Variants in AKT2 observed in about 807,000 individuals in gnomAD.
The protein encoded by AKT2 is AKT serine/threonine kinase 2.
AKT2 carries 16 observed loss-of-function variants against 58.6 expected under a neutral mutation model. The ratio of observed to expected loss-of-function variants is 0.27; its 90% CI spans 0.18 to 0.41. AKT2 has a LOEUF of 0.41. Among genes scored for constraint, AKT2 ranks in the 10% least tolerant of loss-of-function variants. The probability of loss-of-function intolerance (pLI) is 1.00; values close to 1 mark genes in which losing one functional copy is unlikely to be tolerated. For missense variants in AKT2, 438 were observed against 661.0 expected (o/e 0.66, Z 3.70); for synonymous variants, 253 against 254.0 (o/e 1.00, Z 0.04).
intron 1 of AKT2, among the ~76,000 whole-genome samples, chr19:40,276,797 C>T (rs1373163338): frequency 6.6e-6 from 1 of 152,170 alleles, no homozygotes; most frequent in African/African-American, 2.4e-5. Flanking sequence ...ATGTGGATCA[C>T]TGGAGCCCAA....
intron 1 of AKT2, among the ~76,000 whole-genome samples, chr19:40,276,345 C>CTTTT (rs748551877): frequency 5.1e-5 from 3 of 58,510 alleles, no homozygotes; most frequent in Admixed American, 2.5e-4. Flanking sequence ...AAAATGGAAT[C>CTTTT]TTTTTTTTTT....
chr19:40,235,166 C>T lies in AKT2; in HGVS notation c.1264-19G>A, dbSNP rs1599949231. 1 of 1,613,874 alleles carries T rather than the reference C, an allele frequency of 6.2e-7. No individual in the cohort carries two copies. The highest frequency in any genetic ancestry group is 1.3e-5 in the African/African-American group (1 of 74,932). Reference sequence around the variant, plus strand: ...GCAGGAGCTACGGAGGAGAGGAGCTCAGGCTCAGGGACCCTGAGGCCAGGA... The same window carrying T: ...GCAGGAGCTACGGAGGAGAGGAGCTTAGGCTCAGGGACCCTGAGGCCAGGA... On this transcript the variant is annotated intron_variant, in intron 12 of 13. Transcript: ENST00000392038. This position sits in a 1 kb window ranked among gnomAD's most constrained non-coding sequence, Gnocchi z 6.3.
At chr19:40,239,711 A>G in intron 7 of AKT2, 2 of 469,252 alleles carry the variant, frequency 4.3e-6, no homozygotes, top group Non-Finnish European at 8.0e-6. Flanking sequence ...CTGAAAACAA[A>G]AACAAAAAAA....
chr19:40,244,186 C>A (rs1974596950), intron 4 of AKT2: 2 of 151,760 alleles, frequency 1.3e-5, no homozygotes, highest in East Asian at 3.9e-4. Context: ...CTCACACCTG[C>A]AATCCTGGCA....
At chr19:40,256,795 G>A (rs1476717800) in intron 3 of AKT2, 131 bp downstream of exon 3, 19 of 1,413,776 alleles carry the variant, frequency 1.3e-5, no homozygotes, top group Admixed American at 1.8e-5. Flanking sequence ...CAGGGGAAGG[G>A]TGAAAACAGA....
Position 40,242,088 on chromosome 19 carries a change from G to C in AKT2, c.442-19C>G. The C allele has an allele frequency of 6.2e-7, 1 of 1,614,140 alleles. No homozygotes were observed. Among genetic ancestry groups the C allele is most frequent in the Non-Finnish European group, 8.5e-7 (1 of 1,180,028 alleles). On this transcript the variant is annotated intron_variant, in intron 5 of 13. Transcript: ENST00000392038. The surrounding 1 kb of genome is among the most constrained non-coding windows in gnomAD (Gnocchi z 4.3). ...TCATGGTCTGCCAGGGACAGGGAGA[G>C]TGGGGGCAGTCAGCGCCTGGCTCAT...
At chr19:40,236,497 C>G (rs1421909832) in intron 9 of AKT2, 112 bp from the exon 10 acceptor site, 31 of 1,423,528 alleles carry the variant, frequency 2.2e-5, no homozygotes, top group Non-Finnish European at 2.9e-5. Flanking sequence ...CCCTCCCATG[C>G]CAGGCTGGGC....
At chr19:40,281,962 C>T (rs1370883622) in intron 1 of AKT2, among the ~76,000 whole-genome samples, 1 of 152,194 alleles carries the variant, frequency 6.6e-6, no homozygotes, top group African/African-American at 2.4e-5. Flanking sequence ...ATGAAATGAG[C>T]TCACAAGGGT....
chr19:40,260,628 CAAAAAAAA>C (rs34124347), intron 2 of AKT2, among the ~76,000 whole-genome samples: 11 of 25,002 alleles, frequency 4.4e-4, no homozygotes, highest in South Asian at 2.4e-3. Flanking sequence ...GATTCCATCT[CAAAAAAAA>C]AAAAAAAAAA....
At chr19:40,280,927 C>T (rs534116777) in intron 1 of AKT2, 1 of 152,364 alleles carries the variant, frequency 6.6e-6, no homozygotes, top group African/African-American at 2.4e-5. Context: ...TCGGGTTGGT[C>T]TTGCTTAGCC....
intron 1 of AKT2, chr19:40,283,284 A>T (rs2077456051): frequency 6.6e-6 from 1 of 152,246 alleles, no homozygotes; most frequent in African/African-American, 2.4e-5. Flanking sequence ...TGGCCCACAG[A>T]ATGCACTCAG....
intron 1 of AKT2, 52 bp from the exon 2 acceptor site, chr19:40,265,403 C>T (rs1326177168): frequency 4.6e-6 from 7 of 1,526,588 alleles, no homozygotes; most frequent in Non-Finnish European, 6.1e-6. Context: ...CCACACCAGC[C>T]CCTTCCCTGA....
In AKT2 at chr19:40,233,743, A is replaced by T; in HGVS notation, c.*129T>A. On this transcript the variant is annotated 3_prime_UTR_variant, in exon 14 of 14. Coordinates refer to ENST00000392038, the MANE Select transcript of AKT2 (RefSeq NM_001626.6). This position sits in a 1 kb window ranked among gnomAD's most constrained non-coding sequence, Gnocchi z 4.3. ...GGGTGCGTCTGGGAGGGGCCTGAAG[A>T]AGAACTGGAAAGGGGGTGAGGAGGT... 1 of 880,740 alleles carries T rather than the reference A, an allele frequency of 1.1e-6. No individual in the cohort carries two copies. The highest frequency in any genetic ancestry group is 1.8e-6 in the Non-Finnish European group (1 of 549,428). 54.6% of individuals were successfully genotyped at this position (880,740 alleles called of 1,614,324 possible).
At chr19:40,239,097 G>A (rs2145185937) in intron 7 of AKT2, 124 bp from the exon 8 acceptor site, 2 of 913,460 alleles carry the variant, frequency 2.2e-6, no homozygotes, top group East Asian at 5.0e-5. Context: ...GGGGCCCCCA[G>A]GAGTCAGCCA....
intron 2 of AKT2, among the ~76,000 whole-genome samples, chr19:40,264,004 G>A (rs1055782899): frequency 1.3e-5 from 2 of 152,088 alleles, no homozygotes; most frequent in African/African-American, 2.4e-5. Context: ...TCGCGCCACC[G>A]TGAGACATGC....
At position 40,237,226 on chromosome 19, in the gene AKT2, G is replaced by A. The variant is rs1397778386; in HGVS notation, c.831+743C>T. Reference sequence around the variant, plus strand: ...TGGATACTTGGGTTGTTCCAGTTGGGGCTAGAGTAAGTCCTGCTGCTGAGT... The same window carrying A: ...TGGATACTTGGGTTGTTCCAGTTGGAGCTAGAGTAAGTCCTGCTGCTGAGT... On this transcript the variant is annotated intron_variant, in intron 9 of 13. Transcript: ENST00000392038. This position sits in a 1 kb window ranked among gnomAD's most constrained non-coding sequence, Gnocchi z 4.5. The A allele has an allele frequency of 6.5e-6, 1 of 154,028 alleles. No homozygotes were observed. Among genetic ancestry groups the A allele is most frequent in the Non-Finnish European group, 1.4e-5 (1 of 69,408 alleles). 9.5% of individuals were successfully genotyped at this position (154,028 alleles called of 1,614,324 possible).
At chr19:40,261,049 TAG>T (rs1435342033) in intron 2 of AKT2, among the ~76,000 whole-genome samples, 4 of 152,242 alleles carry the variant, frequency 2.6e-5, no homozygotes. Context: ...GGTAAATTCA[TAG>T]AGACAGAAAG....
intron 9 of AKT2, 153 bp from the exon 10 acceptor site, chr19:40,236,538 C>G (rs921386461): frequency 2.5e-5 from 25 of 1,013,968 alleles, no homozygotes; most frequent in Non-Finnish European, 1.8e-5. Flanking sequence ...CTCTGAGGCT[C>G]AGAGAGAGGC....
At chr19:40,271,244 T>C (rs2145396265) in intron 1 of AKT2, among the ~76,000 whole-genome samples, 1 of 146,934 alleles carries the variant, frequency 6.8e-6, no homozygotes, top group East Asian at 2.0e-4. Context: ...TATATATGTA[T>C]ATATACACGT....
Sources: gnomAD v4.1 joint callset for allele counts (sites outside exome capture counted in the v4.1 genomes callset) on GRCh38, gnomAD v4.1.1 for gene constraint, Gnocchi (gnomAD v3.1) non-coding constraint, MANE v1.5 for transcripts, NCBI Gene and HGNC (gene_info 2026-07-23, HGNC 2026-07-21) for gene names.